The following EXTL3 variants were observed in gnomAD, a reference collection of about 807,000 sequenced individuals.
EXTL3 encodes the protein exostosin like glycosyltransferase 3, also known as exostosin-like 3.
A neutral mutation model predicts 69.3 loss-of-function variants in EXTL3; 27 were observed. The observed-to-expected ratio is 0.39, with a 90% CI of 0.29 to 0.54. EXTL3 has a LOEUF of 0.54. Ranked by LOEUF, EXTL3 falls within the 20% of genes least tolerant of loss-of-function variation. The pLI, the probability that EXTL3 is intolerant of heterozygous loss-of-function variation, is 0.69. For missense variants in EXTL3, 1,003 were observed against 1,231.8 expected, an observed-to-expected ratio of 0.81 and a Z score of 2.78; for synonymous variants, 511 against 499.4, an observed-to-expected ratio of 1.02 and a Z score of -0.31.
At chr8:28,743,890 T>C (rs1472728842) in intron 6 of EXTL3, 1 of 155,352 alleles carries the variant, frequency 6.4e-6, no homozygotes, top group African/African-American at 2.4e-5. Flanking sequence ...GCTCTAAGAA[T>C]AGTGCCTGGC....
intron 2 of EXTL3, among the ~76,000 whole-genome samples, chr8:28,609,638 C>A (rs1481038620): frequency 6.6e-6 from 1 of 152,064 alleles, no homozygotes; most frequent in Non-Finnish European, 1.5e-5. Context: ...GGAATCCCAG[C>A]ACTTTGGGAG....
chr8:28,687,039 G>C (rs952226010), intron 1 of EXTL3, among the ~76,000 whole-genome samples: 1 of 152,204 alleles, frequency 6.6e-6, no homozygotes, highest in Non-Finnish European at 1.5e-5. Context: ...TTTGAGGTGG[G>C]ACTGTCAGGC....
At chr8:28,618,967 C>CT (rs1372218376), upstream of EXTL3, among the ~76,000 whole-genome samples, 4 of 151,722 alleles carry the variant, frequency 2.6e-5, no homozygotes, top group Middle Eastern at 3.4e-3. Context: ...CAGCACGTGC[C>CT]TGTAGTCCCA....
At chr8:28,613,802 A>T (rs192366781) in intron 2 of EXTL3, among the ~76,000 whole-genome samples, 11 of 151,986 alleles carry the variant, frequency 7.2e-5, no homozygotes, top group Admixed American at 2.6e-4. Context: ...TAGGATCAGT[A>T]GTGATGGCCT....
Position 28,755,443 on chromosome 8 carries a change from T to C in EXTL3, c.*4577T>C, listed in dbSNP as rs73235028. 5,196 of 152,366 alleles carry C rather than the reference T, an allele frequency of 0.034. 136 individuals carry two copies. Among genetic ancestry groups the C allele is most frequent in the Non-Finnish European group, 0.052 (3,562 of 68,034 alleles). 9.4% of individuals were successfully genotyped at this position (152,366 alleles called of 1,614,324 possible). Reference sequence around the variant, plus strand: ...AAATTGTTTTACCTTTCTTCATCTGTCTTGACGTTTATGAAAGAGTACAGG... The same window carrying C: ...AAATTGTTTTACCTTTCTTCATCTGCCTTGACGTTTATGAAAGAGTACAGG... On this transcript the variant is annotated 3_prime_UTR_variant, in exon 7 of 7. Coordinates refer to ENST00000220562, the MANE Select transcript of EXTL3 (RefSeq NM_001440.4).
Position 28,752,153 on chromosome 8 carries a change from A to C in EXTL3, c.*1287A>C, listed in dbSNP as rs2130808966. ...TGTGTAAGCTCACATCCAGCCTTGG[A>C]ATCTAACGGGCATTCACAACCCGAG... On this transcript the variant is annotated 3_prime_UTR_variant, in exon 7 of 7. Coordinates refer to ENST00000220562, the MANE Select transcript of EXTL3 (RefSeq NM_001440.4). The C allele has an allele frequency of 6.6e-6, 1 of 152,242 alleles. No individual in the cohort carries two copies. The highest frequency in any genetic ancestry group is 2.1e-4 in the South Asian group (1 of 4,818). The allele number at this position is 152,242 out of a possible 1,614,324, so 9.4% of individuals were successfully genotyped here.
intron 1 of EXTL3, among the ~76,000 whole-genome samples, chr8:28,660,838 C>CTTTTTTTTT (rs58151386): frequency 6.4e-5 from 3 of 46,956 alleles, no homozygotes; most frequent in East Asian, 8.7e-4. Context: ...CGATTTTTGG[C>CTTTTTTTTT]TTTTTTTTTT....
At position 28,640,948 on chromosome 8, in the gene EXTL3, T is replaced by A. The variant is rs538438006; in HGVS notation, c.-53+18138T>A. 6.6e-5 allele frequency among the ~76,000 whole-genome samples: 10 copies of A among 152,254 alleles called. No individual in the cohort carries two copies. The South Asian group carries it at 2.1e-3, about 32-fold the overall frequency. On this transcript the variant is annotated intron_variant, in intron 1 of 6. Coordinates refer to the EXTL3 transcript ENST00000523149. ...CTAGTGTAGTATGATTTTTTTTTTC[T>A]ATTAATACAAAGGAATCTTATTGCT...
At chr8:28,714,616 G>T (rs58076469) in intron 2 of EXTL3, among the ~76,000 whole-genome samples, 159 of 152,184 alleles carry the variant, frequency 1.0e-3, no homozygotes, top group African/African-American at 3.5e-3. Flanking sequence ...TTTTTTGGAA[G>T]AATTAAAAAA....
chr8:28,645,155 A>G (rs1806808342), intron 1 of EXTL3, among the ~76,000 whole-genome samples: 1 of 152,228 alleles, frequency 6.6e-6, no homozygotes, highest in Non-Finnish European at 1.5e-5. Context: ...TGTATTTGTC[A>G]TGGTACTTGA....
chr8:28,734,950 GAC>G (rs748774710), intron 4 of EXTL3, among the ~76,000 whole-genome samples: 2 of 152,106 alleles, frequency 1.3e-5, no homozygotes, highest in Non-Finnish European at 2.9e-5. Flanking sequence ...AGAATGATTT[GAC>G]ACATTTCTGA....
At chr8:28,643,634 G>C (rs923984235) in intron 1 of EXTL3, among the ~76,000 whole-genome samples, 1 of 151,758 alleles carries the variant, frequency 6.6e-6, no homozygotes, top group African/African-American at 2.4e-5. Context: ...TAGCCAGGAT[G>C]GTCTCGATCT....
chr8:28,682,045 G>A (rs1807498570), intron 1 of EXTL3, among the ~76,000 whole-genome samples: 1 of 152,166 alleles, frequency 6.6e-6, no homozygotes, highest in South Asian at 2.1e-4. Context: ...GGCAACAAGA[G>A]CGAAACTCCG....
upstream of EXTL3, chr8:28,697,501 G>C (rs889030413): frequency 6.6e-6 from 1 of 152,188 alleles, no homozygotes; most frequent in South Asian, 2.1e-4. Context: ...GGTTCAATGC[G>C]TCCTGCTTTT....
At chr8:28,609,709 C>T (rs949755590) in intron 2 of EXTL3, among the ~76,000 whole-genome samples, 4 of 151,658 alleles carry the variant, frequency 2.6e-5, no homozygotes, top group African/African-American at 4.8e-5. Flanking sequence ...GTCAACATGG[C>T]GAAACCCCAT....
At chr8:28,699,347 G>A, upstream of EXTL3, 1 of 152,680 alleles carries the variant, frequency 6.5e-6, no homozygotes. Context: ...AAAGAAAGTA[G>A]CCCCAGTCAT....
intron 1 of EXTL3, among the ~76,000 whole-genome samples, chr8:28,634,955 G>A (rs903251815): frequency 4.6e-5 from 7 of 152,110 alleles, no homozygotes; most frequent in Middle Eastern, 3.4e-3. Flanking sequence ...CTGCATGGGC[G>A]ATGTCCACTG....
intron 2 of EXTL3, among the ~76,000 whole-genome samples, chr8:28,615,020 A>G (rs1356287451): frequency 3.3e-5 from 1 of 30,130 alleles, no homozygotes; most frequent in East Asian, 1.1e-3. Flanking sequence ...CCCGCCCTCC[A>G]AATTATGTTG....
intron 1 of EXTL3, among the ~76,000 whole-genome samples, chr8:28,667,555 T>G (rs1001083106): frequency 3.9e-5 from 6 of 152,182 alleles, no homozygotes; most frequent in East Asian, 1.9e-4. Context: ...TGGTGAGGTT[T>G]CCTTAAAGCT....
Sources: allele counts gnomAD v4.1 joint callset (sites outside exome capture counted in the v4.1 genomes callset), GRCh38; gene constraint gnomAD v4.1.1; transcripts MANE v1.5; gene names NCBI Gene and HGNC (gene_info 2026-07-23, HGNC 2026-07-21).